TSPEAR: variants seen among roughly 807,000 people sequenced by gnomAD.
TSPEAR encodes thrombospondin type laminin G domain and EAR repeats, also known as thrombospondin-type laminin G domain and EAR repeat-containing protein.
TSPEAR carries 69 observed loss-of-function variants against 71.6 expected under a neutral mutation model. The observed-to-expected ratio is 0.96, with a 90% CI of 0.79 to 1.18. The LOEUF is 1.18. Among genes scored for constraint, TSPEAR ranks in the 50% most tolerant of loss-of-function variants. The pLI, the probability that TSPEAR is intolerant of heterozygous loss-of-function variation, is 0.00. For synonymous variants in TSPEAR, 402 were observed against 387.2 expected, an observed-to-expected ratio of 1.04 and a Z score of -0.45; for missense variants, 971 against 894.9, an observed-to-expected ratio of 1.09 and a Z score of -1.09.
chr21:44,500,703 G>T (rs2052014471), intron 11 of TSPEAR, among the ~76,000 whole-genome samples: 1 of 152,182 alleles, frequency 6.6e-6, no homozygotes, highest in Admixed American at 6.5e-5. Context: ...ACCTGGCAGG[G>T]TTTTGCTTTG....
At chr21:44,596,326 AC>A (rs1980368784) in intron 1 of TSPEAR, among the ~76,000 whole-genome samples, 2 of 151,576 alleles carry the variant, frequency 1.3e-5, no homozygotes, top group South Asian at 4.2e-4. Context: ...ACATCCCATC[AC>A]CCTCTCTGTG....
At chr21:44,611,710 T>C (rs2146173416) in intron 1 of TSPEAR, among the ~76,000 whole-genome samples, 1 of 152,142 alleles carries the variant, frequency 6.6e-6, no homozygotes, top group South Asian at 2.1e-4. Context: ...CCACCCCTGG[T>C]ACCAAATACC....
At chr21:44,545,678 T>G (rs1045164577) in intron 2 of TSPEAR, among the ~76,000 whole-genome samples, 2 of 151,610 alleles carry the variant, frequency 1.3e-5, no homozygotes, top group Non-Finnish European at 2.9e-5. Context: ...AAGGAGAAAC[T>G]CAAAGAGAAG....
intron 1 of TSPEAR, chr21:44,627,004 C>A: frequency 9.2e-7 from 1 of 1,092,096 alleles, no homozygotes; most frequent in East Asian, 2.5e-5. Context: ...TGGCAGACGC[C>A]GCCTCTCAGC....
At chr21:44,679,566 C>G (rs1394672773) in intron 1 of TSPEAR, among the ~76,000 whole-genome samples, 1 of 152,060 alleles carries the variant, frequency 6.6e-6, no homozygotes, top group Non-Finnish European at 1.5e-5. Context: ...TCATATGGAA[C>G]CAAAAAGGAC....
chr21:44,558,674 A>T, intron 2 of TSPEAR: 1 of 1,613,090 alleles, frequency 6.2e-7, no homozygotes, highest in Non-Finnish European at 8.5e-7. Context: ...GCCAGGAGTC[A>T]GAGTAAGCGC....
chr21:44,521,113 G>A (rs1044813676), intron 9 of TSPEAR, among the ~76,000 whole-genome samples: 1 of 152,218 alleles, frequency 6.6e-6, no homozygotes, highest in African/African-American at 2.4e-5. Context: ...ACACCAGGGA[G>A]GTGATGTCTT....
intron 1 of TSPEAR, among the ~76,000 whole-genome samples, chr21:44,705,430 C>T (rs143796870): frequency 0.015 from 2,256 of 152,360 alleles, 52 homozygotes; most frequent in African/African-American, 0.049. Flanking sequence ...TAAACTCTAA[C>T]CGCCGGTGAG....
chr21:44,579,912 G>A (rs1555924679), intron 1 of TSPEAR: 1 of 1,613,364 alleles, frequency 6.2e-7, no homozygotes, highest in Admixed American at 1.7e-5. Context: ...CGGCAGAGGA[G>A]GGACACGGAG....
At chr21:44,625,361 G>C (rs1982699447) in intron 1 of TSPEAR, among the ~76,000 whole-genome samples, 1 of 152,220 alleles carries the variant, frequency 6.6e-6, no homozygotes. Flanking sequence ...GGGAGGCCAA[G>C]GCAGGAGGAT....
chr21:44,611,817 G>C (rs1172325071), intron 1 of TSPEAR, among the ~76,000 whole-genome samples: 3 of 152,164 alleles, frequency 2.0e-5, no homozygotes, highest in African/African-American at 7.2e-5. Flanking sequence ...AGCTCCACCA[G>C]CAGACACGCA....
intron 1 of TSPEAR, among the ~76,000 whole-genome samples, chr21:44,680,704 G>T (rs974741331): frequency 6.6e-6 from 1 of 152,048 alleles, no homozygotes; most frequent in African/African-American, 2.4e-5. Flanking sequence ...AATCTTATTC[G>T]GCCATAAAAA....
Position 44,499,413 on chromosome 21 carries a change from G to C in TSPEAR, c.*370C>G, listed in dbSNP as rs1275220393. 3 of 238,284 alleles carry C rather than the reference G, an allele frequency of 1.3e-5. No homozygotes were observed. Among genetic ancestry groups the C allele is most frequent in the African/African-American group, 7.0e-5 (3 of 42,906 alleles). The allele number at this position is 238,284 out of a possible 1,614,324, so 14.8% of individuals were successfully genotyped here. On this transcript the variant is annotated 3_prime_UTR_variant, in exon 12 of 12. Transcript: ENST00000323084. ...CTCAGGCGGCCGGACGCACACTGCA[G>C]GAGTGGCTGGCGAGAGGCCAGCCGC...
chr21:44,708,530 C>G (rs2838660), intron 1 of TSPEAR, among the ~76,000 whole-genome samples: 42,794 of 152,074 alleles, frequency 0.28, 6,305 homozygotes, highest in South Asian at 0.42. Flanking sequence ...AAAGAGGCTC[C>G]AGCCAGCAGC....
At chr21:44,521,534 C>T (rs904378671) in intron 9 of TSPEAR, among the ~76,000 whole-genome samples, 1 of 152,208 alleles carries the variant, frequency 6.6e-6, no homozygotes, top group Non-Finnish European at 1.5e-5. Context: ...GATTAGACCG[C>T]GGGAGCTTCC....
At position 44,556,300 on chromosome 21, in the gene TSPEAR, C is replaced by T. The variant is rs781974216; in HGVS notation, c.303+11485G>A. On this transcript the variant is annotated intron_variant, in intron 2 of 11. Transcript: ENST00000323084. ...CTGAGGGAGAAGAATAGCTTGAACC[C>T]GGGAGGCAGAAGTTGTACTGAGCGG... Among the ~76,000 whole-genome samples, 29 of 151,892 alleles carry T rather than the reference C, an allele frequency of 1.9e-4. 1 individual carries two copies. Among genetic ancestry groups the T allele is most frequent in the African/African-American group, 4.1e-4 (17 of 41,378 alleles).
At chr21:44,616,056 G>A (rs1421621021) in intron 1 of TSPEAR, among the ~76,000 whole-genome samples, 7 of 152,130 alleles carry the variant, frequency 4.6e-5, no homozygotes, top group African/African-American at 1.2e-4. Context: ...CCACCCCATC[G>A]GCACAGACAG....
At chr21:44,632,920 T>C (rs1983337719) in intron 1 of TSPEAR, among the ~76,000 whole-genome samples, 1 of 152,208 alleles carries the variant, frequency 6.6e-6, no homozygotes, top group South Asian at 2.1e-4. Flanking sequence ...TAATAGGAAT[T>C]TATCCATTAC....
intron 11 of TSPEAR, among the ~76,000 whole-genome samples, chr21:44,501,984 G>A (rs895868842): frequency 6.6e-6 from 1 of 152,198 alleles, no homozygotes; most frequent in Non-Finnish European, 1.5e-5. Context: ...AAACCACCGA[G>A]CAATCTAATT....
Sources: allele counts gnomAD v4.1 joint callset (sites outside exome capture counted in the v4.1 genomes callset), GRCh38; gene constraint gnomAD v4.1.1; transcripts MANE v1.5; gene names NCBI Gene and HGNC (gene_info 2026-07-23, HGNC 2026-07-21).